INSL6: variants seen among roughly 807,000 people sequenced by gnomAD.
INSL6 encodes the protein insulin like 6, also known as insulin-like peptide INSL6.
In INSL6, 16 loss-of-function variants were observed where a neutral mutation model predicts 9.4. That is an observed-to-expected ratio of 1.70 (90% CI 1.15 to 2.59). INSL6 has a LOEUF of 2.59. Among genes scored for constraint, INSL6 ranks in the 30% most tolerant of loss-of-function variants. The probability of loss-of-function intolerance (pLI) is 0.00; values close to 1 mark genes in which losing one functional copy is unlikely to be tolerated. For missense variants in INSL6, 391 were observed against 257.3 expected (o/e 1.52, Z -3.56); for synonymous variants, 154 against 96.9 (o/e 1.59, Z -3.46).
At chr9:5,113,752 C>A in the INSL6 span, 1 of 167,308 alleles carries the variant, frequency 6.0e-6, no homozygotes, top group South Asian at 1.6e-4. Context: ...ATTACGCCAT[C>A]ACCAGCCAGC....
intron 2 of INSL6, among the ~76,000 whole-genome samples, chr9:5,134,289 C>G (rs1472347902): frequency 6.6e-6 from 1 of 152,172 alleles, no homozygotes; most frequent in East Asian, 1.9e-4. Context: ...TCCACGAGAA[C>G]TTCCCCAACC....
At chr9:5,067,355 T>A in the INSL6 span, among the ~76,000 whole-genome samples, 1 of 152,304 alleles carries the variant, frequency 6.6e-6, no homozygotes, top group South Asian at 2.1e-4. Context: ...GGATCTCATC[T>A]ATGATTATAT....
At chr9:4,993,074 G>T in the INSL6 span, among the ~76,000 whole-genome samples, 1 of 152,122 alleles carries the variant, frequency 6.6e-6, no homozygotes, top group South Asian at 2.1e-4. Flanking sequence ...TATAGCAACT[G>T]TCCCTTTCAT....
At chr9:5,134,292 C>A (rs555954241) in intron 2 of INSL6, among the ~76,000 whole-genome samples, 3 of 152,304 alleles carry the variant, frequency 2.0e-5, no homozygotes, top group South Asian at 2.1e-4. Context: ...ACGAGAACTT[C>A]CCCAACCTAG....
intron 3 of INSL6, among the ~76,000 whole-genome samples, chr9:5,129,638 A>G (rs1009343925): frequency 6.6e-6 from 1 of 152,150 alleles, no homozygotes; most frequent in African/African-American, 2.4e-5. Context: ...TAAGAAAAAA[A>G]CAATTAAAGT....
chr9:5,054,649 G>T, the INSL6 span: 1 of 1,613,106 alleles, frequency 6.2e-7, no homozygotes, highest in African/African-American at 1.3e-5. The surrounding 1 kb of genome is among the most constrained non-coding windows in gnomAD (Gnocchi z 4.9). Flanking sequence ...TACAGATTTC[G>T]CAGATTTATT....
chr9:5,178,348 T>A (rs1186373548), intron 1 of INSL6, among the ~76,000 whole-genome samples: 1 of 152,132 alleles, frequency 6.6e-6, no homozygotes, highest in Non-Finnish European at 1.5e-5. Flanking sequence ...ACTCAGCTGT[T>A]CCAGCTTGCT....
the INSL6 span, among the ~76,000 whole-genome samples, chr9:5,049,807 T>G: frequency 1.8e-4 from 27 of 152,366 alleles, no homozygotes; most frequent in East Asian, 4.4e-3. Flanking sequence ...ATGCCTAGTC[T>G]GTATGGTATA....
the INSL6 span, chr9:5,113,920 C>T: frequency 4.2e-6 from 1 of 240,572 alleles, no homozygotes; most frequent in Non-Finnish European, 8.4e-6. Context: ...TGGACACTTA[C>T]CCCCGACCAT....
chr9:5,173,319 T>C (rs147856758), intron 1 of INSL6, among the ~76,000 whole-genome samples: 1,568 of 152,318 alleles, frequency 0.01, 25 homozygotes, highest in African/African-American at 0.036. Context: ...CATATGTTCA[T>C]TGCAGCACTA....
chr9:5,085,874 T>C, the INSL6 span: 2 of 790,724 alleles, frequency 2.5e-6, no homozygotes, highest in Admixed American at 3.4e-5. Flanking sequence ...CCTTAAGTTC[T>C]GTTGTTGATA....
At chr9:5,133,846 T>A (rs1052698531) in intron 2 of INSL6, among the ~76,000 whole-genome samples, 2 of 151,672 alleles carry the variant, frequency 1.3e-5, no homozygotes, top group African/African-American at 4.9e-5. Context: ...GAGAATGAGG[T>A]TGATGAATTG....
chr9:5,185,492 C>T lies in INSL6; in HGVS notation c.111G>A (p.Leu37=), dbSNP rs926839323. The T allele has an allele frequency of 1.9e-6, 3 of 1,614,060 alleles. No individual in the cohort carries two copies. In the African/African-American group the frequency reaches 4.0e-5, roughly 22 times the overall value. Residue 37 remains leucine (L), a synonymous_variant, in exon 1 of 2, where the codon TTG becomes TTA. Transcript: ENST00000381641. ...SSARKLCGRY[L]VKEIEKLCGH... ...CGCAGAGTTTTTCTATTTCTTTCAC[C>T]AAGTACCTGCCGCACAGCTTCCTGG...
chr9:5,054,074 G>T, the INSL6 span, among the ~76,000 whole-genome samples: 1 of 151,984 alleles, frequency 6.6e-6, no homozygotes, highest in African/African-American at 2.4e-5. This position sits in a 1 kb window ranked among gnomAD's most constrained non-coding sequence, Gnocchi z 4.9. Flanking sequence ...GTTGAAGCTG[G>T]CCTAACAAAA....
the INSL6 span, chr9:5,044,404 T>C: frequency 6.2e-7 from 1 of 1,601,244 alleles, no homozygotes; most frequent in Non-Finnish European, 8.6e-7. Context: ...ATCTTGTAGA[T>C]TTTACTTTCC....
chr9:5,080,969 CA>C, the INSL6 span, among the ~76,000 whole-genome samples: 5 of 142,360 alleles, frequency 3.5e-5, no homozygotes, highest in African/African-American at 1.3e-4. Flanking sequence ...GATCTCGGCT[CA>C]CTGCAAGCTC....
At chr9:5,012,314 C>T in the INSL6 span, among the ~76,000 whole-genome samples, 1 of 152,064 alleles carries the variant, frequency 6.6e-6, no homozygotes, top group Non-Finnish European at 1.5e-5. Context: ...TCATATCCCC[C>T]CGATTTGTAT....
chr9:4,997,677 T>G, the INSL6 span, among the ~76,000 whole-genome samples: 1 of 152,234 alleles, frequency 6.6e-6, no homozygotes, highest in Non-Finnish European at 1.5e-5. Context: ...AGCCTCATTT[T>G]ATAGGCAACA....
the INSL6 span, among the ~76,000 whole-genome samples, chr9:5,021,463 C>T: frequency 6.6e-6 from 1 of 152,104 alleles, no homozygotes; most frequent in African/African-American, 2.4e-5. Flanking sequence ...AATCTTTGTC[C>T]ACAGGAAGTT....
Sources: gnomAD v4.1 joint callset for allele counts (sites outside exome capture counted in the v4.1 genomes callset) on GRCh38, gnomAD v4.1.1 for gene constraint, Gnocchi (gnomAD v3.1) non-coding constraint, MANE v1.5 for transcripts, NCBI Gene and HGNC (gene_info 2026-07-23, HGNC 2026-07-21) for gene names.